MLC1: variants seen among roughly 807,000 people sequenced by gnomAD.
MLC1 encodes modulator of VRAC current 1, also known as membrane protein MLC1.
MLC1 carries 32 observed loss-of-function variants against 44.7 expected under a neutral mutation model. That is an observed-to-expected ratio of 0.72 (90% CI 0.54 to 0.96). MLC1 has a LOEUF of 0.96. Among genes scored for constraint, MLC1 ranks in the 40% least tolerant of loss-of-function variants. The probability of loss-of-function intolerance (pLI) is 0.00; values close to 1 mark genes in which losing one functional copy is unlikely to be tolerated. For synonymous variants in MLC1, 190 were observed against 213.0 expected (o/e 0.89, Z 0.94); for missense variants, 459 against 492.2 (o/e 0.93, Z 0.64).
intron 11 of MLC1, among the ~76,000 whole-genome samples, chr22:50,062,384 G>A (rs994471659): frequency 1.3e-5 from 2 of 152,228 alleles, no homozygotes; most frequent in South Asian, 2.1e-4. Context: ...CACCTCATGC[G>A]TCTGACTCTG....
chr22:50,085,092 C>G (rs910351952), intron 1 of MLC1, 131 bp from the exon 2 acceptor site: 4 of 1,448,218 alleles, frequency 2.8e-6, no homozygotes, highest in Non-Finnish European at 3.6e-6. Flanking sequence ...AAAATGAGCA[C>G]TTGAATCTAA....
chr22:50,063,543 T>C (rs1256838089), intron 11 of MLC1, among the ~76,000 whole-genome samples: 1 of 149,814 alleles, frequency 6.7e-6, no homozygotes, highest in Non-Finnish European at 1.5e-5. Context: ...TTTTTAAAAA[T>C]ACAAAGTGGC....
At chr22:50,063,466 C>T (rs1383689838) in intron 11 of MLC1, among the ~76,000 whole-genome samples, 1 of 141,766 alleles carries the variant, frequency 7.1e-6, no homozygotes, top group African/African-American at 2.6e-5. Flanking sequence ...GACTGAGACT[C>T]CTTCTCAAAA....
intron 2 of MLC1, among the ~76,000 whole-genome samples, chr22:50,084,267 CCT>C (rs2062224589): frequency 6.6e-6 from 1 of 152,166 alleles, no homozygotes; most frequent in African/African-American, 2.4e-5. Flanking sequence ...CCACCCCAGA[CCT>C]GTTCCTTTGT....
intron 7 of MLC1, 133 bp from the exon 8 acceptor site, chr22:50,074,465 C>T (rs908522696): frequency 7.5e-6 from 6 of 798,212 alleles, no homozygotes; most frequent in East Asian, 2.6e-5. Flanking sequence ...GTGGAGGAGC[C>T]CACCTGGATG....
chr22:50,077,172 G>A (rs893598044), intron 6 of MLC1, among the ~76,000 whole-genome samples: 4 of 152,174 alleles, frequency 2.6e-5, no homozygotes, highest in African/African-American at 9.7e-5. Flanking sequence ...GGGGAGGGGA[G>A]GGTACAGCAT....
At chr22:50,064,965 C>T (rs1007630278) in intron 10 of MLC1, among the ~76,000 whole-genome samples, 11 of 152,198 alleles carry the variant, frequency 7.2e-5, no homozygotes, top group African/African-American at 1.2e-4. Flanking sequence ...CCCTCTGTCA[C>T]CCAGGCTGGC....
chr22:50,074,484 G>A (rs2061932803), intron 7 of MLC1, 152 bp from the exon 8 acceptor site: 1 of 705,148 alleles, frequency 1.4e-6, no homozygotes, highest in Non-Finnish European at 2.5e-6. Flanking sequence ...TGGACCCCCA[G>A]CCTCACCTGG....
intron 3 of MLC1, among the ~76,000 whole-genome samples, chr22:50,081,340 CAAAGAAAG>C (rs1225331780): frequency 6.6e-6 from 1 of 150,686 alleles, no homozygotes; most frequent in East Asian, 2.0e-4. Flanking sequence ...AAGACTCCGT[CAAAGAAAG>C]AAAGAAAGAA....
At chr22:50,069,090 A>G (rs2061788783) in intron 9 of MLC1, among the ~76,000 whole-genome samples, 1 of 150,084 alleles carries the variant, frequency 6.7e-6, no homozygotes, top group African/African-American at 2.5e-5. Context: ...GCGGTGGCAC[A>G]ATCTCTGATC....
Position 50,061,455 on chromosome 22 carries a change from G to A in MLC1, c.*128C>T. On this transcript the variant is annotated 3_prime_UTR_variant, in exon 12 of 12. Transcript: ENST00000311597. The stretch of plus-strand genomic sequence containing the variant: ...ACCCTAGGAAGTGAAAACCCCACCT[G>A]CAGCCTGGTTTGCCCTCACACAAGG... 1 of 1,010,724 alleles carries A rather than the reference G, an allele frequency of 9.9e-7. No homozygotes were observed. Among genetic ancestry groups the A allele is most frequent in the Non-Finnish European group, 1.5e-6 (1 of 649,412 alleles). The allele number at this position is 1,010,724 out of a possible 1,614,324, so 62.6% of individuals were successfully genotyped here.
intron 9 of MLC1, among the ~76,000 whole-genome samples, chr22:50,068,827 A>C (rs998941653): frequency 1.7e-4 from 26 of 150,042 alleles, no homozygotes; most frequent in Non-Finnish European, 3.4e-4. Context: ...CCCGGGTTCA[A>C]GTGATTCTCC....
At chr22:50,061,928 G>C (rs1041565877) in intron 11 of MLC1, among the ~76,000 whole-genome samples, 3 of 152,326 alleles carry the variant, frequency 2.0e-5, no homozygotes, top group Admixed American at 2.0e-4. Context: ...CCCTTGCCCT[G>C]GCTCTGGGGC....
At chr22:50,080,285 C>A in intron 4 of MLC1, 59 bp downstream of exon 4, 1 of 1,544,474 alleles carries the variant, frequency 6.5e-7, no homozygotes, top group Non-Finnish European at 8.8e-7. Flanking sequence ...CATGGGCACA[C>A]TGTCTGTCAG....
In MLC1 at chr22:50,064,143, C is replaced by A; in HGVS notation, c.950G>T (p.Gly317Val). 6.2e-7 allele frequency: 1 copy of A among 1,608,394 alleles called. No homozygotes were observed. Among genetic ancestry groups the A allele is most frequent in the Non-Finnish European group, 8.5e-7 (1 of 1,179,798 alleles). The change falls in exon 11 of 12, where the codon GGC (glycine) becomes GTC (valine). Residue 317 changes from glycine to valine, a missense_variant. Gly to Val is a moderately radical substitution (Grantham distance 109). Coordinates refer to ENST00000311597, the MANE Select transcript of MLC1 (RefSeq NM_015166.4). Reference protein sequence around the residue: ...LLLLVLLLQAGLNTGTAIQCV... With the variant: ...LLLLVLLLQAVLNTGTAIQCV... ...CTGGATGGCGGTGCCCGTGTTGAGG[C>A]CGGCCTGCAGCAGGAGCACTAGCAG...
chr22:50,064,604 CA>C (rs1359871325), intron 10 of MLC1, among the ~76,000 whole-genome samples: 3 of 151,022 alleles, frequency 2.0e-5, no homozygotes, highest in South Asian at 2.2e-4. Flanking sequence ...GCGGAGGAGA[CA>C]GGGGGCAGCC....
intron 8 of MLC1, among the ~76,000 whole-genome samples, chr22:50,073,203 G>A (rs2061900198): frequency 1.3e-5 from 2 of 152,260 alleles, no homozygotes; most frequent in Non-Finnish European, 2.9e-5. Context: ...CTGCCCAGGA[G>A]GAGCCTGTAG....
intron 11 of MLC1, among the ~76,000 whole-genome samples, chr22:50,062,091 C>A (rs2061572564): frequency 6.6e-6 from 1 of 151,548 alleles, no homozygotes. Flanking sequence ...CCACCCTGAG[C>A]CCCAGCTGTC....
chr22:50,082,507 G>T (rs2146928972), intron 3 of MLC1, among the ~76,000 whole-genome samples: 1 of 152,376 alleles, frequency 6.6e-6, no homozygotes, highest in South Asian at 2.1e-4. Flanking sequence ...GGCAGATGCT[G>T]CCAGCTCTGG....
Sources: allele counts gnomAD v4.1 joint callset (sites outside exome capture counted in the v4.1 genomes callset), GRCh38; gene constraint gnomAD v4.1.1; transcripts MANE v1.5; gene names NCBI Gene and HGNC (gene_info 2026-07-23, HGNC 2026-07-21).